Variants in LAX1 observed in about 807,000 individuals in gnomAD.
The protein encoded by LAX1 is lymphocyte transmembrane adaptor 1.
In LAX1, 17 loss-of-function variants were observed where a neutral mutation model predicts 20.7. The ratio of observed to expected loss-of-function variants is 0.82; its 90% confidence interval spans 0.56 to 1.23. The LOEUF (loss-of-function observed/expected upper bound fraction) is 1.23. Ranked by LOEUF, LAX1 falls within the 50% of genes most tolerant of loss-of-function variation. The pLI, the probability that LAX1 is intolerant of heterozygous loss-of-function variation, is 0.00. For missense variants in LAX1, 470 were observed against 487.0 expected, an observed-to-expected ratio of 0.97 and a Z score of 0.33; for synonymous variants, 165 against 181.0, an observed-to-expected ratio of 0.91 and a Z score of 0.71.
At position 203,774,157 on chromosome 1, in the gene LAX1, C is replaced by G. The variant is rs1423510541; in HGVS notation, c.673C>G (p.Leu225Val). The change falls in exon 5 of 5, where the codon CTG becomes GTG. Residue 225 changes from leucine (L) to valine (V), a missense_variant. Physicochemically the swap from Leu to Val is conservative, Grantham distance 32. Transcript: ENST00000442561. ...NLFVLPSTQK[L>V]EFTEERDEGC... ...CTTTGTTCTTCCCAGTACCCAGAAG[C>G]TGGAGTTTACTGAGGAAAGAGATGA... is the stretch of plus-strand genomic sequence containing the variant. 1.2e-6 allele frequency: 2 copies of G among 1,614,082 alleles called. No individual in the cohort carries two copies. The highest frequency in any genetic ancestry group is 2.7e-5 in the African/African-American group (2 of 74,928).
At position 203,765,300 on chromosome 1, in the gene LAX1, C is replaced by G. The variant is rs749279602; in HGVS notation, c.-266C>G. The G allele has an allele frequency of 1.2e-5, 19 of 1,535,672 alleles. No individual in the cohort carries two copies. The highest frequency in any genetic ancestry group is 2.7e-5 in the African/African-American group (2 of 72,758). On this transcript the variant is annotated 5_prime_UTR_variant, in exon 1 of 5. Transcript: ENST00000442561. ...ACCAGAAACGTGAAGGCAGAGGCCA[C>G]AGATTCTCCCTGAGCCACCTCACTT...
At position 203,765,493 on chromosome 1, in the gene LAX1, G is replaced by A; in HGVS notation, c.-73G>A. ...GGGGGTGGGGAGAAGTGGTAGACAT[G>A]CTGGCTAACTGATTATGATTAAGAG... is the stretch of plus-strand genomic sequence containing the variant. On this transcript the variant is annotated 5_prime_UTR_variant, in exon 1 of 5. It removes an upstream start codon present in the reference 5' UTR. Transcript: ENST00000442561. The A allele has an allele frequency of 6.3e-7, 1 of 1,597,250 alleles. No individual in the cohort carries two copies. Among genetic ancestry groups the A allele is most frequent in the Non-Finnish European group, 8.5e-7 (1 of 1,170,346 alleles).
In LAX1 at chr1:203,774,305, T is replaced by G; in HGVS notation, c.821T>G (p.Leu274Trp). Residue 274 changes from leucine (L) to tryptophan (W), a missense_variant, in exon 5 of 5, where the codon TTG (leucine) becomes TGG (tryptophan). Coordinates refer to ENST00000442561, the MANE Select transcript of LAX1 (RefSeq NM_017773.4). ...AATGACTATGTCAACATGACAGGGT[T>G]GGATCTCAGTGCCATCCAGGAAAGG... ...ISNDYVNMTG[L>W]DLSAIQERQL... is the part of the protein sequence containing the mutation. 1 of 1,614,204 alleles carries G rather than the reference T, an allele frequency of 6.2e-7. No individual in the cohort carries two copies. The highest frequency in any genetic ancestry group is 8.5e-7 in the Non-Finnish European group (1 of 1,180,034).
chr1:203,774,745 G>A lies in LAX1; in HGVS notation c.*64G>A. 1.5e-6 allele frequency: 2 copies of A among 1,374,416 alleles called. No individual in the cohort carries two copies. Among genetic ancestry groups the A allele is most frequent in the Non-Finnish European group, 1.0e-6 (1 of 986,918 alleles). 85.1% of individuals were successfully genotyped at this position (1,374,416 alleles called of 1,614,324 possible). ...CTATCCCATAGGATTGACTACTGCA[G>A]AGTCTAGTGCAGACCCGTGATCACC... On this transcript the variant is annotated 3_prime_UTR_variant, in exon 5 of 5. Coordinates refer to ENST00000442561, the MANE Select transcript of LAX1 (RefSeq NM_017773.4).
chr1:203,772,243 A>G lies in LAX1; in HGVS notation c.390+96A>G, dbSNP rs1366370867. ...TTAGATCTGGTTTCACTGCAAACAA[A>G]CAGCATGCCCTTTGGCACTCGCCCT... On this transcript the variant is annotated intron_variant, in intron 4 of 4. Coordinates refer to ENST00000442561, the MANE Select transcript of LAX1 (RefSeq NM_017773.4). The G allele has an allele frequency of 3.0e-5, 27 of 911,002 alleles. No individual in the cohort carries two copies. In the Admixed American group the frequency reaches 3.1e-4, roughly 10 times the overall value. 56.4% of individuals were successfully genotyped at this position (911,002 alleles called of 1,614,324 possible).
intron 1 of LAX1, among the ~76,000 whole-genome samples, chr1:203,770,111 T>G (rs1046182217): frequency 1.1e-4 from 17 of 151,970 alleles, no homozygotes; most frequent in African/African-American, 3.9e-4. Flanking sequence ...GTGATAGGAT[T>G]GTTAAAGATT....
chr1:203,773,756 CTTTTTTTTTTTTT>C lies in LAX1; in HGVS notation c.391-103_391-91del, dbSNP rs10714327. 1.3e-3 allele frequency: 261 copies of C among 200,616 alleles called. 4 individuals are homozygous for C. The highest frequency in any genetic ancestry group is 5.4e-3 in the South Asian group (159 of 29,220). The allele number at this position is 200,616 out of a possible 1,614,324, so 12.4% of individuals were successfully genotyped here. ...TCATCACATTTGCACTGTTGCTCTT[CTTTTTTTTTTTTT>C]TTTTTTTTTTTTTTTCAGAATATGC... is the stretch of plus-strand genomic sequence containing the variant. On this transcript the variant is annotated intron_variant, in intron 4 of 4. Coordinates refer to ENST00000442561, the MANE Select transcript of LAX1 (RefSeq NM_017773.4).
chr1:203,771,976 C>T (rs765249284), intron 3 of LAX1, 92 bp from the exon 4 acceptor site: 79 of 1,055,836 alleles, frequency 7.5e-5, no homozygotes, highest in Admixed American at 6.9e-4. Flanking sequence ...CCAGACACCA[C>T]GCAAACCCGC....
chr1:203,767,726 A>G (rs1277962614), intron 1 of LAX1, among the ~76,000 whole-genome samples: 1 of 152,194 alleles, frequency 6.6e-6, no homozygotes. Flanking sequence ...CATTTAACAA[A>G]TATTTATCAG....
chr1:203,771,548 T>A, intron 3 of LAX1, 71 bp downstream of exon 3: 1 of 936,338 alleles, frequency 1.1e-6, no homozygotes, highest in South Asian at 1.3e-5. Flanking sequence ...CCTCTCACCC[T>A]CCAGAAGCAA....
rs199598822 is a variant in LAX1, at chr1:203,774,136, G to A, written c.652G>A (p.Val218Ile). ...CAAAAGCCCTTCCAGAAATCTCTTT[G>A]TTCTTCCCAGTACCCAGAAGCTGGA... ...STKSPSRNLF[V>I]LPSTQKLEFT... is the part of the protein sequence containing the mutation. The change falls in exon 5 of 5, where the codon GTT (valine) becomes ATT (isoleucine). Residue 218 changes from valine to isoleucine, a missense_variant. Val to Ile is a conservative substitution (Grantham distance 29). Transcript: ENST00000442561. 7.4e-6 allele frequency: 12 copies of A among 1,614,180 alleles called. No individual in the cohort carries two copies. In the Admixed American group the frequency reaches 8.3e-5, roughly 11 times the overall value.
intron 1 of LAX1, 87 bp from the exon 2 acceptor site, chr1:203,770,741 C>A: frequency 9.2e-7 from 1 of 1,088,390 alleles, no homozygotes; most frequent in South Asian, 1.3e-5. Flanking sequence ...CATTCCAAAT[C>A]TTCAGGCTCT....
chr1:203,775,793 T>C lies in LAX1; in HGVS notation c.*1112T>C, dbSNP rs1667501118. ...TAATATAGACATATCTTAAATCCAT[T>C]TTGCTAAGTGAAAGAAGCTAGGCCT... On this transcript the variant is annotated 3_prime_UTR_variant, in exon 5 of 5. Transcript: ENST00000442561. 1 of 152,174 alleles carries C rather than the reference T, an allele frequency of 6.6e-6. No individual in the cohort carries two copies. The highest frequency in any genetic ancestry group is 1.5e-5 in the Non-Finnish European group (1 of 68,042). 9.4% of individuals were successfully genotyped at this position (152,174 alleles called of 1,614,324 possible).
At position 203,772,081 on chromosome 1, in the gene LAX1, G is replaced by A. The variant is rs763047190; in HGVS notation, c.324G>A (p.Ser108=). Residue 108 remains serine (S), a synonymous_variant, in exon 4 of 5, where the codon TCG becomes TCA. Coordinates refer to ENST00000442561, the MANE Select transcript of LAX1 (RefSeq NM_017773.4). ...CTGTCCTTTCAGGGAGACATGAGTC[G>A]AGGAGTATGCGCATTTTCAGTACTG... ...WRQEDLGRHE[S]RSMRIFSTES... is the part of the protein sequence containing the mutation. The A allele has an allele frequency of 1.4e-5, 23 of 1,613,784 alleles. No individual in the cohort carries two copies. The highest frequency in any genetic ancestry group is 4.4e-5 in the South Asian group (4 of 91,082).
rs1164663884 is a variant in LAX1 at position 203,774,846 on chromosome 1, G to T, written c.*165G>T. 1.6e-6 allele frequency: 1 copy of T among 618,350 alleles called. No homozygotes were observed. Among genetic ancestry groups the T allele is most frequent in the Non-Finnish European group, 2.8e-6 (1 of 357,532 alleles). 38.3% of individuals were successfully genotyped at this position (618,350 alleles called of 1,614,324 possible). On this transcript the variant is annotated 3_prime_UTR_variant, in exon 5 of 5. Coordinates refer to ENST00000442561, the MANE Select transcript of LAX1 (RefSeq NM_017773.4). Reference sequence around the variant, plus strand: ...CAGTGAACTAAGAGGCCACACAAAAGCAGAGGTTTGGGAATTCCAGAAGGG... The same window carrying T: ...CAGTGAACTAAGAGGCCACACAAAATCAGAGGTTTGGGAATTCCAGAAGGG...
intron 1 of LAX1, among the ~76,000 whole-genome samples, chr1:203,767,743 A>G (rs1667328510): frequency 6.6e-6 from 1 of 152,210 alleles, no homozygotes; most frequent in African/African-American, 2.4e-5. Context: ...TCAGGGCCCT[A>G]CTAAGTACCA....
In LAX1 at chr1:203,774,045, A is replaced by G. The variant is rs140031766; in HGVS notation, c.561A>G (p.Ser187=). Reference sequence around the variant, plus strand: ...CCAGAGACTGCGCAAGCATTTCTTCAGAGGATTCGCATGATTATGTCAATG... The same window carrying G: ...CCAGAGACTGCGCAAGCATTTCTTCGGAGGATTCGCATGATTATGTCAATG... The part of the protein sequence containing the change: ...RASRDCASIS[S]EDSHDYVNVP... The change falls in exon 5 of 5, where the codon TCA becomes TCG. Residue 187 remains serine (S), a synonymous_variant. Transcript: ENST00000442561. 2.4e-5 allele frequency: 39 copies of G among 1,614,128 alleles called. No homozygotes were observed. The highest frequency in any genetic ancestry group is 3.3e-4 in the Middle Eastern group (2 of 6,062).
chr1:203,770,953 G>T lies in LAX1; in HGVS notation c.199+16G>T. On this transcript the variant is annotated intron_variant, in intron 2 of 4. Coordinates refer to ENST00000442561, the MANE Select transcript of LAX1 (RefSeq NM_017773.4). ...CGGAAGAAGCGTGAGTCCCTTGTTTGTCCTGAGTTGAGACACAGTAGGATT... is the reference window on the plus strand; with the variant it reads ...CGGAAGAAGCGTGAGTCCCTTGTTTTTCCTGAGTTGAGACACAGTAGGATT... 6.4e-7 allele frequency: 1 copy of T among 1,561,322 alleles called. No individual in the cohort carries two copies. The highest frequency in any genetic ancestry group is 8.8e-7 in the Non-Finnish European group (1 of 1,131,876).
At chr1:203,767,781 G>C (rs1038941627) in intron 1 of LAX1, among the ~76,000 whole-genome samples, 8 of 152,138 alleles carry the variant, frequency 5.3e-5, no homozygotes, top group Non-Finnish European at 1.0e-4. Flanking sequence ...TAGGTGAACA[G>C]GATAAACAAG....
Sources: gnomAD v4.1 joint callset for allele counts (sites outside exome capture counted in the v4.1 genomes callset) on GRCh38, gnomAD v4.1.1 for gene constraint, MANE v1.5 for transcripts, NCBI Gene and HGNC (gene_info 2026-07-23, HGNC 2026-07-21) for gene names.